Variants in ZNF483 observed in about 807,000 individuals in gnomAD.
ZNF483 encodes zinc finger protein 483.
In ZNF483, 9 loss-of-function variants were observed where a neutral mutation model predicts 28.6. That is an observed-to-expected ratio of 0.32 (90% CI 0.19 to 0.55). The LOEUF is 0.55. Ranked by LOEUF, ZNF483 falls within the 20% of genes least tolerant of loss-of-function variation. ZNF483 has a pLI of 0.93. For missense variants in ZNF483, 675 were observed against 871.7 expected, an observed-to-expected ratio of 0.77 and a Z score of 2.84; for synonymous variants, 322 against 306.2, an observed-to-expected ratio of 1.05 and a Z score of -0.54.
At position 111,542,093 on chromosome 9, in the gene ZNF483, G is replaced by A; in HGVS notation, c.1158G>A (p.Gly386=). The A allele has an allele frequency of 6.2e-7, 1 of 1,613,970 alleles. No homozygotes were observed. The highest frequency in any genetic ancestry group is 1.1e-5 in the South Asian group (1 of 91,072). ...EHQKRQKIHL[G]DRSQKCSKCG... ...AGAAACGTCAGAAGATTCATTTGGG[G>A]GATAGGTCCCAAAAATGCAGTAAGT... Residue 386 remains glycine (G), a synonymous_variant, in exon 6 of 6, where the codon GGG becomes GGA. Coordinates refer to ENST00000309235, the MANE Select transcript of ZNF483 (RefSeq NM_133464.5). This position sits in a 1 kb window ranked among gnomAD's most constrained non-coding sequence, Gnocchi z 6.2.
intron 4 of ZNF483, 139 bp from the exon 5 acceptor site, chr9:111,534,122 C>T (rs1168833442): frequency 2.4e-6 from 2 of 821,162 alleles, no homozygotes; most frequent in African/African-American, 1.7e-5. Flanking sequence ...CCATTTTTGT[C>T]TCAAGTTCCA....
Position 111,546,623 on chromosome 9 carries a change from G to A in ZNF483, c.*3453G>A, listed in dbSNP as rs1036924243. 2.6e-5 allele frequency among the ~76,000 whole-genome samples: 4 copies of A among 152,064 alleles called. No homozygotes were observed. The highest frequency in any genetic ancestry group is 5.9e-5 in the Non-Finnish European group (4 of 67,974). Reference sequence around the variant, plus strand: ...TTTTTCATGTCACAGGACAAGGCAAGGTTTTGGTCAATAAAGTCATTTTAT... The same window carrying A: ...TTTTTCATGTCACAGGACAAGGCAAAGTTTTGGTCAATAAAGTCATTTTAT... On this transcript the variant is annotated 3_prime_UTR_variant, in exon 6 of 6. Coordinates refer to ENST00000309235, the MANE Select transcript of ZNF483 (RefSeq NM_133464.5).
rs1031071066 is a variant in ZNF483 at position 111,553,573 on chromosome 9, A to C, written c.*10403A>C. ...AAAAAAAATCATCTGAACTCAAATC[A>C]ATCTGTTGATACTGACTAGATTGGT... On this transcript the variant is annotated 3_prime_UTR_variant, in exon 6 of 6. Coordinates refer to ENST00000309235, the MANE Select transcript of ZNF483 (RefSeq NM_133464.5). Among the ~76,000 whole-genome samples the C allele has an allele frequency of 2.6e-5, 4 of 152,206 alleles. No individual in the cohort carries two copies. Among genetic ancestry groups the C allele is most frequent in the Admixed American group, 6.5e-5 (1 of 15,284 alleles).
rs986901725 is a variant in ZNF483 at position 111,542,310 on chromosome 9, A to G, written c.1375A>G (p.Arg459Gly). 5 of 1,614,202 alleles carry G rather than the reference A, an allele frequency of 3.1e-6. No individual in the cohort carries two copies. Among genetic ancestry groups the G allele is most frequent in the Non-Finnish European group, 4.2e-6 (5 of 1,180,036 alleles). Residue 459 changes from arginine to glycine, a missense_variant, in exon 6 of 6, where the codon AGA (arginine) becomes GGA (glycine). By Grantham distance (125) the Arg-to-Gly change is moderately radical. Coordinates refer to ENST00000309235, the MANE Select transcript of ZNF483 (RefSeq NM_133464.5). This position sits in a 1 kb window ranked among gnomAD's most constrained non-coding sequence, Gnocchi z 6.2. ...TAGCGCCTCACTCACCAAACATCGG[A>G]GAATTCACACTGGAGAAAAACCCTA... Reference protein sequence around the residue: ...GYSASLTKHRRIHTGEKPYMC... With the variant: ...GYSASLTKHRGIHTGEKPYMC...
intron 3 of ZNF483, 139 bp downstream of exon 3, chr9:111,531,102 G>T (rs993304636): frequency 4.4e-5 from 11 of 247,222 alleles, no homozygotes; most frequent in Non-Finnish European, 8.2e-5. Context: ...GCTGAGGCAG[G>T]AAGATCGCTT....
exon 6 of ZNF483, chr9:111,576,390 G>A (rs1265022937): frequency 6.2e-7 from 1 of 1,614,148 alleles, no homozygotes; most frequent in Non-Finnish European, 8.5e-7. Flanking sequence ...TAAAAAAGAT[G>A]CAGATGTTCT....
rs974139850 is a variant in ZNF483 at position 111,530,934 on chromosome 9, G to C, written c.472G>C (p.Val158Leu). 3 of 1,554,860 alleles carry C rather than the reference G, an allele frequency of 1.9e-6. No individual in the cohort carries two copies. The highest frequency in any genetic ancestry group is 1.4e-5 in the African/African-American group (1 of 73,494). ...GGAGAACTCAAAAGAGGATAAAATG[G>C]TCACTGTTTGTCCCAATACTGAGTC... Reference protein sequence around the residue: ...QEENSKEDKMVTVCPNTESCE... With the variant: ...QEENSKEDKMLTVCPNTESCE... The change falls in exon 3 of 6, where the codon GTC (valine) becomes CTC (leucine). Residue 158 changes from valine to leucine, a missense_variant. This residue lies in a region of ZNF483 where 525 missense variants were observed against 581.8 expected (regional missense o/e 0.90). Coordinates refer to ENST00000309235, the MANE Select transcript of ZNF483 (RefSeq NM_133464.5).
At chr9:111,525,327 T>C (rs10980924) in intron 1 of ZNF483, 65 bp downstream of exon 1, 82,612 of 152,090 alleles carry the variant, frequency 0.54, 22,759 homozygotes, top group Non-Finnish European at 0.59. Flanking sequence ...GAGGGCGCAC[T>C]TGGGGCGGGA....
At chr9:111,561,940 C>T (rs1409748509) in intron 5 of ZNF483, among the ~76,000 whole-genome samples, 1 of 150,034 alleles carries the variant, frequency 6.7e-6, no homozygotes, top group Non-Finnish European at 1.5e-5. Context: ...GGCTGGAGTG[C>T]AATGGCACAA....
At chr9:111,570,205 T>A in intron 5 of ZNF483, 1 of 1,612,654 alleles carries the variant, frequency 6.2e-7, no homozygotes, top group Non-Finnish European at 8.5e-7. Context: ...TCTCTGGGGG[T>A]GGGCCTGTGA....
At chr9:111,528,915 G>T (rs538003974) in intron 2 of ZNF483, among the ~76,000 whole-genome samples, 1 of 152,210 alleles carries the variant, frequency 6.6e-6, no homozygotes, top group African/African-American at 2.4e-5. Context: ...GGAGGCCTAG[G>T]CGGGTGGATC....
At position 111,563,076 on chromosome 9, in the gene ZNF483, T is replaced by G. The variant is rs577907195; in HGVS notation, c.722-13289T>G. 1.6e-4 allele frequency: 248 copies of G among 1,599,268 alleles called. 5 individuals are homozygous for G. In the South Asian group the frequency reaches 2.6e-3, roughly 16 times the overall value. ...TTTTGCTAAATGGTGAAAAACAAAT[T>G]AACTAATCATCTAAATGGCCTCCAG... On this transcript the variant is annotated intron_variant, in intron 5 of 5. Transcript: ENST00000358151.
At chr9:111,525,530 C>G (rs1367419922) in intron 1 of ZNF483, among the ~76,000 whole-genome samples, 4 of 152,170 alleles carry the variant, frequency 2.6e-5, no homozygotes, top group African/African-American at 9.7e-5. Flanking sequence ...GGGAGGCTCT[C>G]CCGTTGTGGC....
Position 111,533,834 on chromosome 9 carries a change from A to T in ZNF483, c.597A>T (p.Leu199=). The T allele has an allele frequency of 6.3e-7, 1 of 1,592,834 alleles. No individual in the cohort carries two copies. Among genetic ancestry groups the T allele is most frequent in the South Asian group, 1.2e-5 (1 of 86,184 alleles). Reference sequence around the variant, plus strand: ...AAAAGGAGCTATATAAGGAAGTGCTACTGGAAAACCTCAGGAACCTAGAAT... The same window carrying T: ...AAAAGGAGCTATATAAGGAAGTGCTTCTGGAAAACCTCAGGAACCTAGAAT... ...PFQKELYKEV[L]LENLRNLEFL... is the part of the protein sequence containing the mutation. The change falls in exon 4 of 6, where the codon CTA becomes CTT. Residue 199 remains leucine, a synonymous_variant. Transcript: ENST00000309235.
At chr9:111,555,447 C>T (rs1828093897), downstream of ZNF483, among the ~76,000 whole-genome samples, 1 of 152,092 alleles carries the variant, frequency 6.6e-6, no homozygotes, top group South Asian at 2.1e-4. Context: ...TTCTACTGTG[C>T]TCTGTTAATA....
At chr9:111,526,484 G>A (rs1409351960) in intron 1 of ZNF483, among the ~76,000 whole-genome samples, 2 of 152,146 alleles carry the variant, frequency 1.3e-5, no homozygotes, top group Admixed American at 1.3e-4. Context: ...GTGTGAGACT[G>A]GAGTGAAGAA....
chr9:111,571,935 G>A (rs1312532203), intron 5 of ZNF483, among the ~76,000 whole-genome samples: 1 of 152,162 alleles, frequency 6.6e-6, no homozygotes. Context: ...CTACCCTTCT[G>A]CGTGTAAGGA....
chr9:111,533,372 A>G (rs1827398058), intron 3 of ZNF483, among the ~76,000 whole-genome samples: 1 of 152,164 alleles, frequency 6.6e-6, no homozygotes. Flanking sequence ...CTTGCATGCT[A>G]TCCAAACCAT....
Position 111,527,004 on chromosome 9 carries a change from G to A in ZNF483, c.-128-264G>A, listed in dbSNP as rs575810817. On this transcript the variant is annotated intron_variant, in intron 1 of 5. Transcript: ENST00000309235. ...AATCCCAGCTACTCAAGAGGCTGAG[G>A]TAGGAGAATCACTTGAACCCAGCCG... 1.2e-4 allele frequency among the ~76,000 whole-genome samples: 18 copies of A among 152,164 alleles called. No individual in the cohort carries two copies. In the South Asian group the frequency reaches 3.5e-3, roughly 30 times the overall value.
Sources: gnomAD v4.1 joint callset for allele counts (sites outside exome capture counted in the v4.1 genomes callset) on GRCh38, gnomAD v4.1.1 for gene constraint, gnomAD v4.1.1 regional missense constraint, Gnocchi (gnomAD v3.1) non-coding constraint, MANE v1.5 for transcripts, NCBI Gene and HGNC (gene_info 2026-07-23, HGNC 2026-07-21) for gene names.